Variants in STAG1 observed in about 807,000 individuals in gnomAD.
The protein encoded by STAG1 is cohesin subunit SA-1.
Under a neutral mutation model 170.9 loss-of-function variants are expected in STAG1, and 26 were observed. The observed-to-expected ratio is 0.15, with a 90% confidence interval of 0.11 to 0.21. The LOEUF (loss-of-function observed/expected upper bound fraction) is 0.21. Among genes scored for constraint, STAG1 ranks in the 10% least tolerant of loss-of-function variants. The pLI, the probability that STAG1 is intolerant of heterozygous loss-of-function variation, is 1.00. For synonymous variants in STAG1, 514 were observed against 497.7 expected (o/e 1.03, Z -0.44); for missense variants, 964 against 1,509.5 (o/e 0.64, Z 5.99).
At chr3:136,715,526 A>G (rs1425759565) in intron 1 of STAG1, among the ~76,000 whole-genome samples, 3 of 152,052 alleles carry the variant, frequency 2.0e-5, no homozygotes, top group Non-Finnish European at 4.4e-5. Flanking sequence ...AGGCTGAGGC[A>G]GGAGAATTTC....
chr3:136,639,946 A>G (rs1456259037), intron 1 of STAG1, among the ~76,000 whole-genome samples: 1 of 152,178 alleles, frequency 6.6e-6, no homozygotes, highest in Admixed American at 6.5e-5. Context: ...ATAAACACTA[A>G]AATTTCTCCC....
At chr3:136,727,734 A>G (rs113452565) in intron 1 of STAG1, among the ~76,000 whole-genome samples, 10 of 152,340 alleles carry the variant, frequency 6.6e-5, no homozygotes, top group African/African-American at 1.4e-4. Flanking sequence ...TCATCACAAA[A>G]TGACCTGAGA....
At position 136,433,113 on chromosome 3, in the gene STAG1, T is replaced by C. The variant is rs529581715; in HGVS notation, c.1650+443A>G. Among the ~76,000 whole-genome samples the C allele has an allele frequency of 2.0e-5, 3 of 152,260 alleles. No homozygotes were observed. The South Asian group carries it at 6.2e-4, about 32-fold the overall frequency. On this transcript the variant is annotated intron_variant, in intron 16 of 33. Transcript: ENST00000383202. Reference sequence around the variant, plus strand: ...CAACAGAGCCAGGAGTCTCTCCATCTATGATTATCTGAACTCATCTTTAAT... The same window carrying C: ...CAACAGAGCCAGGAGTCTCTCCATCCATGATTATCTGAACTCATCTTTAAT...
intron 4 of STAG1, among the ~76,000 whole-genome samples, chr3:136,588,689 G>A (rs569691823): frequency 5.3e-5 from 8 of 151,334 alleles, no homozygotes; most frequent in African/African-American, 9.7e-5. Context: ...GTGCAGTGGC[G>A]CCATCTCAAC....
intron 1 of STAG1, among the ~76,000 whole-genome samples, chr3:136,684,132 C>A (rs1325486659): frequency 6.6e-6 from 1 of 152,102 alleles, no homozygotes; most frequent in African/African-American, 2.4e-5. Context: ...CAACATAATC[C>A]CAACCAAAAT....
At position 136,418,360 on chromosome 3, in the gene STAG1, C is replaced by CAAAAAAAA. The variant is rs767401141; in HGVS notation, c.2109-396_2109-389dup. 8.6e-4 allele frequency among the ~76,000 whole-genome samples: 43 copies of CAAAAAAAA among 49,758 alleles called. 2 individuals carry two copies. Among genetic ancestry groups the CAAAAAAAA allele is most frequent in the African/African-American group, 2.7e-3 (25 of 9,264 alleles). 32.6% of individuals were successfully genotyped at this position (49,758 alleles called of 152,430 possible). On this transcript the variant is annotated intron_variant, in intron 20 of 33. Coordinates refer to ENST00000383202, the MANE Select transcript of STAG1 (RefSeq NM_005862.3). ...GGGTAACTGAGCAAGACTCTGTCTCCAAAAAAAAAAAAAAAAAAAAAAAAA... is the reference window on the plus strand; with the variant it reads ...GGGTAACTGAGCAAGACTCTGTCTCCAAAAAAAAAAAAAAAAAAAAAAAAAAAAAAAAA...
At chr3:136,613,256 G>A (rs555833474) in intron 3 of STAG1, among the ~76,000 whole-genome samples, 4 of 130,110 alleles carry the variant, frequency 3.1e-5, no homozygotes, top group Non-Finnish European at 4.6e-5. Context: ...AGTGAGCCAC[G>A]ATCATGCCAC....
chr3:136,649,487 A>G (rs1241077963), intron 1 of STAG1, among the ~76,000 whole-genome samples: 1 of 150,002 alleles, frequency 6.7e-6, no homozygotes, highest in African/African-American at 2.5e-5. Context: ...TCAAAAAACA[A>G]AAACAAAAAC....
chr3:136,553,787 A>T (rs759675408), intron 5 of STAG1, among the ~76,000 whole-genome samples: 2 of 152,240 alleles, frequency 1.3e-5, no homozygotes, highest in Admixed American at 1.3e-4. Context: ...CAAAAAGTTC[A>T]AAGAAGTAGA....
At chr3:136,371,072 C>T (rs1226412192) in intron 23 of STAG1, among the ~76,000 whole-genome samples, 1 of 152,046 alleles carries the variant, frequency 6.6e-6, no homozygotes. Context: ...GAGATGGTAT[C>T]TCATTGTGGT....
intron 5 of STAG1, among the ~76,000 whole-genome samples, chr3:136,549,963 G>A (rs1270128272): frequency 6.6e-6 from 1 of 151,996 alleles, no homozygotes; most frequent in Non-Finnish European, 1.5e-5. Flanking sequence ...CTGTTAATGT[G>A]GCATACCATA....
chr3:136,455,063 T>C (rs2089067011), intron 13 of STAG1, among the ~76,000 whole-genome samples: 2 of 152,204 alleles, frequency 1.3e-5, no homozygotes, highest in Admixed American at 6.5e-5. Context: ...GAGTGAAGCT[T>C]TCATTTGCAT....
rs1157402968 is a variant in STAG1, at chr3:136,396,209, GTT to G, written c.2277+2538_2277+2539del. Among the ~76,000 whole-genome samples, 5 of 87,936 alleles carry G rather than the reference GTT, an allele frequency of 5.7e-5. No individual in the cohort carries two copies. In the East Asian group the frequency reaches 1.2e-3, roughly 22 times the overall value. 57.7% of individuals were successfully genotyped at this position (87,936 alleles called of 152,430 possible). A position where few individuals can be genotyped will look rare whatever the true frequency, so the allele number is the denominator to read the frequency against. On this transcript the variant is annotated intron_variant, in intron 22 of 33. Coordinates refer to ENST00000383202, the MANE Select transcript of STAG1 (RefSeq NM_005862.3). ...GAGCCGCCAGGCCCAGTGTAACACAGTTTTTTTTTTTTTTTTTTTTTTTTGAG... is the reference window on the plus strand; with the variant it reads ...GAGCCGCCAGGCCCAGTGTAACACAGTTTTTTTTTTTTTTTTTTTTTTGAG...
intron 6 of STAG1, among the ~76,000 whole-genome samples, chr3:136,541,538 T>TCACACACACACACACACTCACACACACA (rs34969907): frequency 0.026 from 3,166 of 123,134 alleles, 126 homozygotes; most frequent in Middle Eastern, 0.047. Context: ...AGCTTAACAT[T>TCACACACACACACACACTCACACACACA]CACACACACA....
At chr3:136,380,439 A>G (rs140220528) in intron 22 of STAG1, among the ~76,000 whole-genome samples, 12,649 of 151,732 alleles carry the variant, frequency 0.083, 1,739 homozygotes, top group African/African-American at 0.29. Context: ...ACGGGTTTTC[A>G]CCATGTTGGC....
At position 136,341,550 on chromosome 3, in the gene STAG1, G is replaced by A; in HGVS notation, c.3448C>T (p.Pro1150Ser). ...CCTAACCAAGAGATCTGCATCTGAGGACTAAGAGAGGGTACTATTATTAAT... is the reference window on the plus strand; with the variant it reads ...CCTAACCAAGAGATCTGCATCTGAGAACTAAGAGAGGGTACTATTATTAAT... Reference protein sequence around the residue: ...HGSEPDFLHNPQMQISWLGQP... With the variant: ...HGSEPDFLHNSQMQISWLGQP... The change falls in exon 31 of 34, where the codon CCT (proline) becomes TCT (serine). Residue 1150 changes from proline to serine, a missense_variant and splice_region_variant. Around this residue, in one of 11 missense-constraint regions of STAG1, gnomAD observed 122 missense variants for 129.0 expected, o/e 0.95. Transcript: ENST00000383202. The A allele has an allele frequency of 6.3e-7, 1 of 1,587,718 alleles. No individual in the cohort carries two copies. The highest frequency in any genetic ancestry group is 1.1e-5 in the South Asian group (1 of 90,514).
intron 32 of STAG1, among the ~76,000 whole-genome samples, chr3:136,339,304 CACGAGG>C (rs1935842274): frequency 6.6e-6 from 1 of 152,168 alleles, no homozygotes; most frequent in Non-Finnish European, 1.5e-5. Flanking sequence ...GTGGGCGGAT[CACGAGG>C]TCAAGAGATC....
chr3:136,718,636 T>C (rs922737124), intron 1 of STAG1, among the ~76,000 whole-genome samples: 1 of 152,100 alleles, frequency 6.6e-6, no homozygotes, highest in Admixed American at 6.6e-5. Flanking sequence ...TTCAGATAAA[T>C]AGAGGTGGCC....
At chr3:136,421,998 A>G (rs1163894144) in intron 19 of STAG1, among the ~76,000 whole-genome samples, 1 of 151,920 alleles carries the variant, frequency 6.6e-6, no homozygotes. Context: ...AAATAAAAAA[A>G]CAGCCAAGCG....
Sources: gnomAD v4.1 joint callset for allele counts (sites outside exome capture counted in the v4.1 genomes callset) on GRCh38, gnomAD v4.1.1 for gene constraint, gnomAD v4.1.1 regional missense constraint, MANE v1.5 for transcripts, NCBI Gene and HGNC (gene_info 2026-07-23, HGNC 2026-07-21) for gene names.